The following KDM4C variants were observed in gnomAD, a reference collection of about 807,000 sequenced individuals.
KDM4C encodes lysine-specific demethylase 4C.
A neutral mutation model predicts 129.3 loss-of-function variants in KDM4C; 81 were observed. That is an observed-to-expected ratio of 0.63 (90% confidence interval 0.52 to 0.75). KDM4C has a LOEUF of 0.75. KDM4C is among the 30% of genes least tolerant of loss of function. The pLI is 0.00. For missense variants in KDM4C, 1,457 were observed against 1,304.0 expected (o/e 1.12, Z -1.81); for synonymous variants, 573 against 456.1 (o/e 1.26, Z -3.26).
intron 8 of KDM4C, among the ~76,000 whole-genome samples, chr9:6,929,903 T>C (rs1323869766): frequency 6.6e-6 from 1 of 152,210 alleles, no homozygotes; most frequent in African/African-American, 2.4e-5. Context: ...AATTCTTTCT[T>C]TTATGGCTCA....
At chr9:6,900,085 G>A (rs188508342) in intron 8 of KDM4C, among the ~76,000 whole-genome samples, 47 of 152,160 alleles carry the variant, frequency 3.1e-4, no homozygotes, top group South Asian at 1.0e-3. Flanking sequence ...TCGAGCTCTG[G>A]GCACTAGACA....
At chr9:6,801,516 C>T (rs1273672209) in intron 2 of KDM4C, among the ~76,000 whole-genome samples, 1 of 150,730 alleles carries the variant, frequency 6.6e-6, no homozygotes, top group Non-Finnish European at 1.5e-5. Context: ...GGATTACAGG[C>T]GTGAGCTACC....
At chr9:6,792,175 T>G (rs578019228) in intron 1 of KDM4C, among the ~76,000 whole-genome samples, 1 of 151,796 alleles carries the variant, frequency 6.6e-6, no homozygotes, top group African/African-American at 2.4e-5. Context: ...ACTCCATCTC[T>G]ACTAAAAATA....
intron 18 of KDM4C, among the ~76,000 whole-genome samples, chr9:7,110,123 A>G (rs1488179299): frequency 1.3e-5 from 2 of 152,182 alleles, no homozygotes; most frequent in African/African-American, 4.8e-5. Context: ...ACTTCTAGAC[A>G]TCTTTGAAAC....
chr9:7,011,768 C>T lies in KDM4C; in HGVS notation c.1857C>T (p.His619=), dbSNP rs982689555. ...AGTCTTGGGCGAAACCTCTCATCCA[C>T]CTTTGGCAGACGAAGTCCCCTAACT... is the stretch of plus-strand genomic sequence containing the variant. ...ETESWAKPLI[H]LWQTKSPNFA... is the part of the protein sequence containing the mutation. Residue 619 remains histidine (H), a synonymous_variant, in exon 13 of 22, where the codon CAC becomes CAT. Transcript: ENST00000381309. The T allele has an allele frequency of 1.2e-5, 19 of 1,614,032 alleles. No individual in the cohort carries two copies. Among genetic ancestry groups the T allele is most frequent in the Non-Finnish European group, 1.6e-5 (19 of 1,179,992 alleles).
chr9:6,857,956 G>C (rs1323618323), intron 5 of KDM4C, among the ~76,000 whole-genome samples: 1 of 135,944 alleles, frequency 7.4e-6, no homozygotes, highest in East Asian at 2.2e-4. Context: ...TAGAGATGGG[G>C]TTTTGCTATG....
At chr9:6,974,997 C>T (rs564392470) in intron 8 of KDM4C, 1 of 152,156 alleles carries the variant, frequency 6.6e-6, no homozygotes, top group Non-Finnish European at 1.5e-5. Flanking sequence ...TTTGGAGACC[C>T]CGGAGCAAAC....
intron 18 of KDM4C, among the ~76,000 whole-genome samples, chr9:7,117,289 G>C (rs1839006162): frequency 6.6e-6 from 1 of 151,984 alleles, no homozygotes; most frequent in African/African-American, 2.4e-5. Context: ...TAATTAGTCT[G>C]TTTTGCTTTG....
At chr9:7,049,470 T>C (rs1295774331) in intron 17 of KDM4C, among the ~76,000 whole-genome samples, 2 of 152,124 alleles carry the variant, frequency 1.3e-5, no homozygotes, top group Non-Finnish European at 2.9e-5. Context: ...TTTCAAACTA[T>C]AGGTTATCTG....
intron 2 of KDM4C, among the ~76,000 whole-genome samples, chr9:6,803,851 A>C (rs925606712): frequency 6.6e-6 from 1 of 151,826 alleles, no homozygotes; most frequent in African/African-American, 2.4e-5. Flanking sequence ...TGTTTATGAG[A>C]TGGACTGTCA....
intron 4 of KDM4C, chr9:6,834,452 C>T: frequency 2.0e-6 from 1 of 498,016 alleles, no homozygotes; most frequent in East Asian, 4.7e-5. Context: ...GCTACCAGCT[C>T]ACCATAGATG....
At chr9:6,862,843 A>C (rs866448723) in intron 5 of KDM4C, among the ~76,000 whole-genome samples, 6 of 135,654 alleles carry the variant, frequency 4.4e-5, no homozygotes, top group South Asian at 5.7e-4. Flanking sequence ...AACAAACAAA[A>C]AACAAAAAAA....
intron 17 of KDM4C, among the ~76,000 whole-genome samples, chr9:7,056,129 A>C (rs778886313): frequency 2.4e-4 from 37 of 152,228 alleles, no homozygotes; most frequent in Non-Finnish European, 4.6e-4. Context: ...AACAGTAATC[A>C]GTAGTGTTAA....
intron 14 of KDM4C, among the ~76,000 whole-genome samples, chr9:7,015,214 G>C (rs1214034426): frequency 6.6e-6 from 1 of 151,930 alleles, no homozygotes; most frequent in Non-Finnish European, 1.5e-5. Context: ...CTTATACGGA[G>C]GGGTTTTTAA....
chr9:7,034,507 C>T (rs1259717333), intron 15 of KDM4C, among the ~76,000 whole-genome samples: 1 of 152,160 alleles, frequency 6.6e-6, no homozygotes, highest in Non-Finnish European at 1.5e-5. Flanking sequence ...CAGTTCCTTC[C>T]ATGTTGTTGC....
At chr9:6,738,900 A>G (rs1360954995) in intron 1 of KDM4C, among the ~76,000 whole-genome samples, 1 of 150,826 alleles carries the variant, frequency 6.6e-6, no homozygotes, top group Non-Finnish European at 1.5e-5. Context: ...GCTAATTTCT[A>G]TATTTTTTGT....
chr9:7,036,674 TACTG>T (rs1436911755), intron 15 of KDM4C, among the ~76,000 whole-genome samples: 3 of 152,192 alleles, frequency 2.0e-5, no homozygotes, highest in African/African-American at 7.2e-5. Flanking sequence ...ATGCAAAAAA[TACTG>T]AATGAAAATT....
chr9:7,039,668 T>G (rs1828231089), intron 15 of KDM4C, among the ~76,000 whole-genome samples: 1 of 152,072 alleles, frequency 6.6e-6, no homozygotes, highest in South Asian at 2.1e-4. Context: ...ATGCTGTATT[T>G]TTACAATAAC....
chr9:7,157,414 G>A (rs146278699), intron 19 of KDM4C, among the ~76,000 whole-genome samples: 9 of 152,248 alleles, frequency 5.9e-5, no homozygotes, highest in East Asian at 3.9e-4. Context: ...GTGAGGGAGG[G>A]CATCCTTGTC....
Sources: allele counts gnomAD v4.1 joint callset (sites outside exome capture counted in the v4.1 genomes callset), GRCh38; gene constraint gnomAD v4.1.1; transcripts MANE v1.5; gene names NCBI Gene and HGNC (gene_info 2026-07-23, HGNC 2026-07-21).